The following OTOGL variants were observed in gnomAD, a reference collection of about 807,000 sequenced individuals.
OTOGL encodes otogelin-like protein.
Under a neutral mutation model 318.5 loss-of-function variants are expected in OTOGL, and 285 were observed. The observed-to-expected ratio is 0.89, with a 90% CI of 0.81 to 0.99. The LOEUF (loss-of-function observed/expected upper bound fraction) is 0.99. Among genes scored for constraint, OTOGL ranks in the 50% least tolerant of loss-of-function variants. OTOGL has a pLI of 0.00. For synonymous variants in OTOGL, 987 were observed against 936.5 expected, an observed-to-expected ratio of 1.05 and a Z score of -0.99; for missense variants, 2,899 against 2,845.6, an observed-to-expected ratio of 1.02 and a Z score of -0.43.
chr12:80,289,456 A>T lies in OTOGL; in HGVS notation c.2929-7371A>T, dbSNP rs7302109. ...GAGATCCGCTGCTCTCGTCAGAGCC[A>T]GCAGGCACAAACATTGAAGTCTGCT... is the stretch of plus-strand genomic sequence containing the variant. On this transcript the variant is annotated intron_variant, in intron 26 of 58. Transcript: ENST00000547103. 2.6e-5 allele frequency among the ~76,000 whole-genome samples: 4 copies of T among 152,280 alleles called. No homozygotes were observed. In the East Asian group the frequency reaches 7.8e-4, roughly 30 times the overall value.
rs772449955 is a variant in OTOGL, at chr12:80,270,143, C to T, written c.2507C>T (p.Thr836Met). 34 of 1,603,114 alleles carry T rather than the reference C, an allele frequency of 2.1e-5. No individual in the cohort carries two copies. The highest frequency in any genetic ancestry group is 3.3e-5 in the Admixed American group (2 of 59,748). Residue 836 changes from threonine (T) to methionine (M), a missense_variant, in exon 23 of 59, where the codon ACG becomes ATG. By Grantham distance (81) the Thr-to-Met change is moderately conservative. This residue lies in a region of OTOGL where 2,607 missense variants were observed against 2,524.9 expected (regional missense o/e 1.03). Coordinates refer to ENST00000547103, the MANE Select transcript of OTOGL (RefSeq NM_001378609.3). ...NGTVKCDELATPSAVHICPEG... is the reference protein window; with the variant it reads ...NGTVKCDELAMPSAVHICPEG... ...ACTGTGAAATGTGATGAATTAGCAACGCCCTCTGCTGGTAAGATCTTAAAA... is the reference window on the plus strand; with the variant it reads ...ACTGTGAAATGTGATGAATTAGCAATGCCCTCTGCTGGTAAGATCTTAAAA...
intron 11 of OTOGL, among the ~76,000 whole-genome samples, chr12:80,242,734 A>G (rs546980656): frequency 1.7e-4 from 26 of 152,196 alleles, no homozygotes; most frequent in African/African-American, 5.5e-4. Flanking sequence ...TTTAGACATG[A>G]TCTCTGTCCT....
chr12:80,229,128 A>G, intron 7 of OTOGL, 129 bp from the exon 8 acceptor site: 1 of 1,076,920 alleles, frequency 9.3e-7, no homozygotes, highest in East Asian at 2.4e-5. Context: ...GAAATCCCAA[A>G]TGTAGTTATA....
chr12:80,366,315 A>G (rs901025222), intron 52 of OTOGL: 2 of 454,640 alleles, frequency 4.4e-6, no homozygotes, highest in Non-Finnish European at 8.8e-6. Flanking sequence ...GCCTTGGTAG[A>G]GCAGATCAAG....
intron 1 of OTOGL, among the ~76,000 whole-genome samples, chr12:80,147,796 T>C (rs908202512): frequency 1.3e-5 from 2 of 152,214 alleles, no homozygotes; most frequent in Non-Finnish European, 2.9e-5. Context: ...ATTGATCCCT[T>C]TACCATTATA....
At chr12:80,344,048 G>A (rs1258141998) in intron 44 of OTOGL, among the ~76,000 whole-genome samples, 1 of 152,140 alleles carries the variant, frequency 6.6e-6, no homozygotes, top group Non-Finnish European at 1.5e-5. Flanking sequence ...TGAGGGAAAA[G>A]ACGAAAGTAT....
intron 26 of OTOGL, among the ~76,000 whole-genome samples, chr12:80,279,544 G>C (rs1243159493): frequency 6.6e-6 from 1 of 151,480 alleles, no homozygotes; most frequent in Non-Finnish European, 1.5e-5. Flanking sequence ...GAGAACATGC[G>C]GTATTTGGTT....
Position 80,278,169 on chromosome 12 carries a change from A to G in OTOGL, c.2683A>G (p.Met895Val). The change falls in exon 25 of 59, where the codon ATG (methionine) becomes GTG (valine). Residue 895 changes from methionine to valine, a missense_variant and splice_region_variant. Around this residue, in one of 3 missense-constraint regions of OTOGL, gnomAD observed 2,607 missense variants for 2,524.9 expected, o/e 1.03. Coordinates refer to ENST00000547103, the MANE Select transcript of OTOGL (RefSeq NM_001378609.3). ...AGCATTTTATTCTTCATTTGGAAGAATGGCAGAGCACAGAGGAAAGTGTTA... is the reference window on the plus strand; with the variant it reads ...AGCATTTTATTCTTCATTTGGAAGAGTGGCAGAGCACAGAGGAAAGTGTTA... ...CISGCVCAPG[M>V]AEHRGKCYVP... 1.3e-6 allele frequency: 2 copies of G among 1,543,310 alleles called. No individual in the cohort carries two copies. The highest frequency in any genetic ancestry group is 1.8e-6 in the Non-Finnish European group (2 of 1,141,478).
intron 28 of OTOGL, among the ~76,000 whole-genome samples, chr12:80,305,118 T>C (rs1018006846): frequency 1.1e-4 from 17 of 152,124 alleles, no homozygotes; most frequent in African/African-American, 4.1e-4. Context: ...TTCCAACAAG[T>C]AGGGAATATA....
chr12:80,222,507 T>C (rs1360259600), intron 7 of OTOGL, among the ~76,000 whole-genome samples: 2 of 151,942 alleles, frequency 1.3e-5, no homozygotes, highest in African/African-American at 4.8e-5. Context: ...TAAAATGGAG[T>C]GTATGAGTTA....
chr12:80,339,298 G>GTTTTTTTTTTTTTTT (rs10715159), intron 43 of OTOGL, 34 bp downstream of exon 43: 81 of 538,096 alleles, frequency 1.5e-4, no homozygotes, highest in South Asian at 7.0e-4. Context: ...GATTTCGTCT[G>GTTTTTTTTTTTTTTT]TTTTTTTTTT....
chr12:80,366,967 T>C (rs915521414), intron 53 of OTOGL, among the ~76,000 whole-genome samples: 1 of 151,814 alleles, frequency 6.6e-6, no homozygotes, highest in Non-Finnish European at 1.5e-5. Flanking sequence ...CCCATTATAT[T>C]AGTATTATTA....
intron 14 of OTOGL, among the ~76,000 whole-genome samples, chr12:80,254,062 TCTGTGTATATAATTGA>T (rs1881809852): frequency 6.6e-6 from 1 of 152,122 alleles, no homozygotes; most frequent in East Asian, 1.9e-4. Context: ...CCCTTTGGTG[TCTGTGTATATAATTGA>T]AATGTAATAG....
intron 1 of OTOGL, among the ~76,000 whole-genome samples, chr12:80,122,398 C>A (rs1458208965): frequency 6.6e-6 from 1 of 151,688 alleles, no homozygotes; most frequent in African/African-American, 2.4e-5. Context: ...TGTGCTATGG[C>A]AAAAAGAAAA....
chr12:80,160,823 G>A (rs1219539805), intron 1 of OTOGL, among the ~76,000 whole-genome samples: 3 of 152,170 alleles, frequency 2.0e-5, no homozygotes, highest in Non-Finnish European at 4.4e-5. Context: ...GCAGAAGTAT[G>A]GAACCAGGCC....
chr12:80,326,437 G>A (rs1887683479), intron 35 of OTOGL, among the ~76,000 whole-genome samples: 1 of 152,102 alleles, frequency 6.6e-6, no homozygotes, highest in Non-Finnish European at 1.5e-5. Context: ...AAGCAAACCT[G>A]CTATGTTGAT....
intron 1 of OTOGL, among the ~76,000 whole-genome samples, chr12:80,144,323 G>A (rs1424659979): frequency 1.3e-5 from 2 of 151,014 alleles, no homozygotes; most frequent in Non-Finnish European, 2.9e-5. Context: ...TTTTGTTCTT[G>A]CGATAGTTTA....
intron 33 of OTOGL, among the ~76,000 whole-genome samples, chr12:80,319,061 A>G (rs916134198): frequency 6.6e-6 from 1 of 152,218 alleles, no homozygotes; most frequent in African/African-American, 2.4e-5. Flanking sequence ...TTATGCCCCC[A>G]AAAGTAAAAG....
intron 1 of OTOGL, among the ~76,000 whole-genome samples, chr12:80,108,791 A>G (rs1260139760): frequency 5.7e-5 from 7 of 122,520 alleles, no homozygotes; most frequent in Admixed American, 1.7e-4. Flanking sequence ...ATATATGTAT[A>G]TATATATATG....
Sources: allele counts gnomAD v4.1 joint callset (sites outside exome capture counted in the v4.1 genomes callset), GRCh38; gene constraint gnomAD v4.1.1; regional missense constraint gnomAD v4.1.1; transcripts MANE v1.5; gene names NCBI Gene and HGNC (gene_info 2026-07-23, HGNC 2026-07-21).